Variants in MYT1L observed in about 807,000 individuals in gnomAD.
The protein encoded by MYT1L is myelin transcription factor 1-like protein.
Under a neutral mutation model 126.7 loss-of-function variants are expected in MYT1L, and 12 were observed. The ratio of observed to expected loss-of-function variants is 0.09; its 90% CI spans 0.06 to 0.15. MYT1L has a LOEUF of 0.15. Ranked by LOEUF, MYT1L falls within the 10% of genes least tolerant of loss-of-function variation. The pLI, the probability that MYT1L is intolerant of heterozygous loss-of-function variation, is 1.00. For missense variants in MYT1L, 979 were observed against 1,585.2 expected (o/e 0.62, Z 6.49); for synonymous variants, 541 against 604.2 (o/e 0.90, Z 1.53).
chr2:2,010,558 C>T (rs989303469), intron 4 of MYT1L, among the ~76,000 whole-genome samples: 1 of 151,916 alleles, frequency 6.6e-6, no homozygotes, highest in African/African-American at 2.4e-5. Context: ...GATCAAGTCT[C>T]GGTATCTTCT....
rs1014952945 is a variant in MYT1L at position 2,161,080 on chromosome 2, G to A, written c.-304+11792C>T. Among the ~76,000 whole-genome samples the A allele has an allele frequency of 2.6e-5, 4 of 152,020 alleles. No homozygotes were observed. In the East Asian group the frequency reaches 5.8e-4, roughly 22 times the overall value. ...AAAAAAAAATACAAAAACTAGCCAG[G>A]CATGGTGGTGCGTTCTGTAGTCCCA... On this transcript the variant is annotated intron_variant, in intron 3 of 24. Coordinates refer to ENST00000647738, the MANE Select transcript of MYT1L (RefSeq NM_001303052.2).
At chr2:2,150,701 A>G (rs766624881) in intron 3 of MYT1L, among the ~76,000 whole-genome samples, 22 of 152,186 alleles carry the variant, frequency 1.4e-4, no homozygotes, top group Non-Finnish European at 7.3e-5. Context: ...TGATGGCTCA[A>G]CGCTTTAGGT....
intron 3 of MYT1L, among the ~76,000 whole-genome samples, chr2:2,165,856 AT>A (rs2088995460): frequency 6.6e-6 from 1 of 150,900 alleles, no homozygotes; most frequent in Non-Finnish European, 1.5e-5. Context: ...TAAATCTTTT[AT>A]TTTTCTACTT....
At chr2:2,015,767 A>G (rs2149792476) in intron 4 of MYT1L, among the ~76,000 whole-genome samples, 1 of 152,306 alleles carries the variant, frequency 6.6e-6, no homozygotes, top group African/African-American at 2.4e-5. Context: ...GGGTTCCAGG[A>G]CAGGTTCTGT....
At chr2:2,160,857 C>G (rs762260785) in intron 3 of MYT1L, among the ~76,000 whole-genome samples, 37 of 152,042 alleles carry the variant, frequency 2.4e-4, no homozygotes, top group Non-Finnish European at 4.3e-4. Flanking sequence ...CCATGTAGAC[C>G]AAAGAAGAGG....
intron 2 of MYT1L, among the ~76,000 whole-genome samples, chr2:2,261,322 T>C (rs2094961516): frequency 6.6e-6 from 1 of 152,232 alleles, no homozygotes; most frequent in African/African-American, 2.4e-5. Context: ...TTCAGTTGCA[T>C]TATAAATCTG....
chr2:2,170,852 ATT>A (rs2089945487), intron 3 of MYT1L, among the ~76,000 whole-genome samples: 1 of 152,160 alleles, frequency 6.6e-6, no homozygotes. Flanking sequence ...ACCTTTATGC[ATT>A]GTTACCATAG....
chr2:1,944,741 T>C (rs1476079680), intron 8 of MYT1L, among the ~76,000 whole-genome samples: 2 of 152,148 alleles, frequency 1.3e-5, no homozygotes, highest in Non-Finnish European at 2.9e-5. Flanking sequence ...TAACAAGGGA[T>C]TTAGACAAGT....
At chr2:2,242,942 A>C (rs1369011499) in intron 2 of MYT1L, among the ~76,000 whole-genome samples, 15 of 152,198 alleles carry the variant, frequency 9.9e-5, no homozygotes, top group African/African-American at 3.6e-4. Context: ...CCTGTGGAAT[A>C]GGTTTTAGCA....
intron 10 of MYT1L, among the ~76,000 whole-genome samples, chr2:1,919,225 C>T (rs74912981): frequency 0.014 from 2,074 of 152,252 alleles, 53 homozygotes; most frequent in African/African-American, 0.047. Flanking sequence ...TTTTGGAAGA[C>T]GACAAGGGTA....
At chr2:2,205,884 C>T (rs557782183) in intron 2 of MYT1L, among the ~76,000 whole-genome samples, 1 of 152,322 alleles carries the variant, frequency 6.6e-6, no homozygotes, top group Non-Finnish European at 1.5e-5. Flanking sequence ...CCAGTATCAG[C>T]TCCTTTGTTC....
chr2:1,900,854 C>T (rs558728587), intron 14 of MYT1L, among the ~76,000 whole-genome samples: 3 of 152,096 alleles, frequency 2.0e-5, no homozygotes, highest in East Asian at 1.9e-4. Flanking sequence ...TCTAGGGGGT[C>T]GGCTGCAAAG....
At chr2:1,836,575 G>A (rs755222627) in intron 21 of MYT1L, among the ~76,000 whole-genome samples, 12 of 142,872 alleles carry the variant, frequency 8.4e-5, no homozygotes, top group Non-Finnish European at 1.4e-4. Flanking sequence ...CTATCAGCCC[G>A]CCCCCAATAT....
At chr2:1,856,335 G>A (rs184061256) in intron 18 of MYT1L, among the ~76,000 whole-genome samples, 509 of 152,248 alleles carry the variant, frequency 3.3e-3, no homozygotes, top group Non-Finnish European at 5.3e-3. Context: ...TGTAAGAAGC[G>A]GCATTGACCA....
At chr2:2,215,678 A>C (rs868517112) in intron 2 of MYT1L, among the ~76,000 whole-genome samples, 2 of 152,234 alleles carry the variant, frequency 1.3e-5, no homozygotes, top group Admixed American at 1.3e-4. Flanking sequence ...TCAACCAACT[A>C]AACCTAACTG....
At chr2:2,264,131 A>G (rs901478677) in intron 2 of MYT1L, among the ~76,000 whole-genome samples, 10 of 152,280 alleles carry the variant, frequency 6.6e-5, no homozygotes, top group African/African-American at 2.4e-4. Context: ...CTGAAGCCCA[A>G]GTTCCTTCCA....
chr2:1,796,994 G>A (rs1481333194), intron 23 of MYT1L, among the ~76,000 whole-genome samples: 1 of 152,208 alleles, frequency 6.6e-6, no homozygotes, highest in Non-Finnish European at 1.5e-5. Flanking sequence ...CCGAGGGCAA[G>A]CTTTTCTTGT....
At chr2:1,932,981 G>C (rs2055224495) in intron 9 of MYT1L, among the ~76,000 whole-genome samples, 2 of 152,184 alleles carry the variant, frequency 1.3e-5, no homozygotes, top group South Asian at 4.1e-4. Context: ...CCAGCAGGCA[G>C]AAGCCAGGTT....
At chr2:2,001,294 T>G (rs1366656162) in intron 4 of MYT1L, among the ~76,000 whole-genome samples, 1 of 149,430 alleles carries the variant, frequency 6.7e-6, no homozygotes, top group African/African-American at 2.5e-5. Flanking sequence ...TTCTGGAAGG[T>G]TTTCTAAAAT....
Sources: allele counts gnomAD v4.1 joint callset (sites outside exome capture counted in the v4.1 genomes callset), GRCh38; gene constraint gnomAD v4.1.1; transcripts MANE v1.5; gene names NCBI Gene and HGNC (gene_info 2026-07-23, HGNC 2026-07-21).